Variants in SLC8B1 observed in about 807,000 individuals in gnomAD.
SLC8B1 encodes the protein solute carrier family 8 member B1.
A neutral mutation model predicts 63.4 loss-of-function variants in SLC8B1; 52 were observed. The ratio of observed to expected loss-of-function variants is 0.82; its 90% CI spans 0.66 to 1.03. The LOEUF (loss-of-function observed/expected upper bound fraction) is 1.03. Ranked by LOEUF, SLC8B1 falls within the 50% of genes least tolerant of loss-of-function variation. The pLI is 0.00. For missense variants in SLC8B1, 657 were observed against 741.7 expected (o/e 0.89, Z 1.33); for synonymous variants, 336 against 323.9 (o/e 1.04, Z -0.40).
Position 113,320,168 on chromosome 12 carries a change from A to G in SLC8B1, c.694+163T>C. On this transcript the variant is annotated intron_variant, in intron 7 of 15. Coordinates refer to ENST00000680972, the MANE Select transcript of SLC8B1 (RefSeq NM_001358345.2). This position sits in a 1 kb window ranked among gnomAD's most constrained non-coding sequence, Gnocchi z 5.3. ...AGGCCTCTTTGGTTATGTGACCCAC[A>G]TGTTCCCATTTTTGCTCAAGCCAGC... 1.3e-6 allele frequency: 1 copy of G among 797,684 alleles called. No individual in the cohort carries two copies. Among genetic ancestry groups the G allele is most frequent in the East Asian group, 2.6e-5 (1 of 38,932 alleles). The allele number at this position is 797,684 out of a possible 1,614,324, so 49.4% of individuals were successfully genotyped here. A position where few individuals can be genotyped will look rare whatever the true frequency, so the allele number is the denominator to read the frequency against.
chr12:113,316,022 A>G (rs1389886172), intron 10 of SLC8B1, among the ~76,000 whole-genome samples: 1 of 152,172 alleles, frequency 6.6e-6, no homozygotes, highest in Non-Finnish European at 1.5e-5. Context: ...CAGGAGATTG[A>G]GACCATCCTG....
At position 113,310,263 on chromosome 12, in the gene SLC8B1, A is replaced by G. The variant is rs753805054; in HGVS notation, c.1228T>C (p.Ser410Pro). 30 of 1,613,952 alleles carry G rather than the reference A, an allele frequency of 1.9e-5. No individual in the cohort carries two copies. The highest frequency in any genetic ancestry group is 2.4e-5 in the Non-Finnish European group (28 of 1,179,994). ...ALASVTFFAT[S>P]DSQPPRLHWL... The stretch of plus-strand genomic sequence containing the variant: ...TGAAGCCTGGGGGGCTGGCTGTCAG[A>G]TGTGGCAAAAAAGGTCACTGAAGCC... The change falls in exon 12 of 16, where the codon TCT becomes CCT. Residue 410 changes from serine to proline, a missense_variant. Ser to Pro is a moderately conservative substitution (Grantham distance 74, BLOSUM62 -1). Coordinates refer to ENST00000680972, the MANE Select transcript of SLC8B1 (RefSeq NM_001358345.2).
Position 113,304,322 on chromosome 12 carries a change from T to C in SLC8B1, c.1556A>G (p.Lys519Arg). Residue 519 changes from lysine (K) to arginine (R), a missense_variant and splice_region_variant, in exon 15 of 16, where the codon AAG becomes AGG. Lys to Arg is a conservative substitution (Grantham distance 26). Coordinates refer to ENST00000680972, the MANE Select transcript of SLC8B1 (RefSeq NM_001358345.2). Reference sequence around the variant, plus strand: ...TGTAAACTTACAAGGAATACTCACCTTCACTTCTGTGTGGCTTCGGGAGAT... The same window carrying C: ...TGTAAACTTACAAGGAATACTCACCCTCACTTCTGTGTGGCTTCGGGAGAT... ...LQISRSHTEV[K>R]LEPDGLLVWV... 1 of 1,613,850 alleles carries C rather than the reference T, an allele frequency of 6.2e-7. No individual in the cohort carries two copies. Among genetic ancestry groups the C allele is most frequent in the African/African-American group, 1.3e-5 (1 of 75,058 alleles).
At chr12:113,307,663 C>T (rs376783718) in intron 13 of SLC8B1, 28 bp downstream of exon 13, 2 of 1,604,834 alleles carry the variant, frequency 1.2e-6, no homozygotes, top group South Asian at 1.1e-5. Context: ...CACTCACCCC[C>T]ACTCAACCCC....
At position 113,332,964 on chromosome 12, in the gene SLC8B1, C is replaced by T; in HGVS notation, c.-82-4G>A. On this transcript the variant is annotated splice_polypyrimidine_tract_variant and splice_region_variant and intron_variant, in intron 1 of 15. Coordinates refer to ENST00000680972, the MANE Select transcript of SLC8B1 (RefSeq NM_001358345.2). ...AACAGCTGGCGGCTCCGGTGGCCTG[C>T]AAGGTGGGAGTGAGAAAGGGGGACA... The T allele has an allele frequency of 6.5e-7, 1 of 1,532,172 alleles. No homozygotes were observed. Among genetic ancestry groups the T allele is most frequent in the Non-Finnish European group, 8.8e-7 (1 of 1,135,756 alleles). 94.9% of individuals were successfully genotyped at this position (1,532,172 alleles called of 1,614,324 possible). A position where few individuals can be genotyped will look rare whatever the true frequency, so the allele number is the denominator to read the frequency against.
chr12:113,324,890 G>T (rs1292538745), intron 2 of SLC8B1, among the ~76,000 whole-genome samples: 1 of 151,510 alleles, frequency 6.6e-6, no homozygotes, highest in Non-Finnish European at 1.5e-5. Context: ...TTTTGGTAAA[G>T]ATGAGGTTTC....
chr12:113,318,083 CTGTT>C (rs950712940), intron 8 of SLC8B1, among the ~76,000 whole-genome samples: 5 of 150,826 alleles, frequency 3.3e-5, no homozygotes, highest in African/African-American at 1.2e-4. Context: ...ATATTTGTGT[CTGTT>C]GTATGTGTGC....
At chr12:113,329,143 C>A (rs1408559975) in intron 2 of SLC8B1, among the ~76,000 whole-genome samples, 1 of 152,272 alleles carries the variant, frequency 6.6e-6, no homozygotes, top group Middle Eastern at 3.4e-3. Flanking sequence ...TGCTGCACAC[C>A]GTGCTGGGCA....
At position 113,316,514 on chromosome 12, in the gene SLC8B1, G is replaced by A; in HGVS notation, c.993+12C>T. 6.2e-7 allele frequency: 1 copy of A among 1,612,688 alleles called. No individual in the cohort carries two copies. Among genetic ancestry groups the A allele is most frequent in the Non-Finnish European group, 8.5e-7 (1 of 1,179,156 alleles). Reference sequence around the variant, plus strand: ...TCAGAAGGCTGTGAGCCTGGCTCCAGGACCCTCCTACCTTGAACACCTTGA... The same window carrying A: ...TCAGAAGGCTGTGAGCCTGGCTCCAAGACCCTCCTACCTTGAACACCTTGA... On this transcript the variant is annotated intron_variant, in intron 10 of 15. Coordinates refer to ENST00000680972, the MANE Select transcript of SLC8B1 (RefSeq NM_001358345.2).
chr12:113,303,396 T>G (rs1428480904), intron 15 of SLC8B1, among the ~76,000 whole-genome samples: 2 of 152,126 alleles, frequency 1.3e-5, no homozygotes, highest in African/African-American at 4.8e-5. Flanking sequence ...GAGAGCCTAT[T>G]CAACAACTCG....
intron 8 of SLC8B1, among the ~76,000 whole-genome samples, chr12:113,317,636 C>T (rs1956851200): frequency 6.6e-6 from 1 of 152,200 alleles, no homozygotes; most frequent in African/African-American, 2.4e-5. Flanking sequence ...AGGCCTGGGA[C>T]CTGTATGGAG....
chr12:113,311,094 C>T (rs1312016125), intron 11 of SLC8B1, among the ~76,000 whole-genome samples: 2 of 152,160 alleles, frequency 1.3e-5, no homozygotes, highest in Non-Finnish European at 2.9e-5. Context: ...GCGTGCAGAT[C>T]GCTTGAGCCC....
At chr12:113,318,856 GA>G (rs1956880923) in intron 8 of SLC8B1, 107 bp downstream of exon 8, 3 of 779,668 alleles carry the variant, frequency 3.8e-6, no homozygotes, top group Admixed American at 2.2e-5. Context: ...ATGAAGAGGA[GA>G]TGAGCTTGGT....
At chr12:113,329,566 G>A (rs1309581486) in intron 2 of SLC8B1, among the ~76,000 whole-genome samples, 2 of 152,040 alleles carry the variant, frequency 1.3e-5, no homozygotes, top group Admixed American at 6.6e-5. Context: ...CCTCCCCCAG[G>A]TCCCTCAGGA....
intron 15 of SLC8B1, 57 bp from the exon 16 acceptor site, chr12:113,300,031 G>A (rs995667215): frequency 2.6e-5 from 39 of 1,527,204 alleles, no homozygotes; most frequent in African/African-American, 1.8e-4. Context: ...GCCCCGCCCC[G>A]TCTGTGGCCA....
At chr12:113,302,380 C>T (rs138470868) in intron 15 of SLC8B1, 77 of 274,438 alleles carry the variant, frequency 2.8e-4, no homozygotes, top group African/African-American at 1.6e-3. Context: ...TGGCACTGCC[C>T]GGCTGATGCC....
At chr12:113,302,063 T>C (rs1956595134) in intron 15 of SLC8B1, 1 of 152,278 alleles carries the variant, frequency 6.6e-6, no homozygotes, top group African/African-American at 2.4e-5. Flanking sequence ...TGCAGGTTTT[T>C]ATATGTGTAG....
Position 113,307,856 on chromosome 12 carries a change from A to G in SLC8B1, c.1258-12T>C. On this transcript the variant is annotated splice_polypyrimidine_tract_variant and intron_variant, in intron 12 of 15. Coordinates refer to ENST00000680972, the MANE Select transcript of SLC8B1 (RefSeq NM_001358345.2). ...AGGAAAGCAAAGAGCTGCGGAGGGAATGGTTTGCTGTGGGACCAAGGCCAG... is the reference window on the plus strand; with the variant it reads ...AGGAAAGCAAAGAGCTGCGGAGGGAGTGGTTTGCTGTGGGACCAAGGCCAG... 2 of 1,609,938 alleles carry G rather than the reference A, an allele frequency of 1.2e-6. No individual in the cohort carries two copies. Among genetic ancestry groups the G allele is most frequent in the Non-Finnish European group, 1.7e-6 (2 of 1,179,606 alleles).
rs145003970 is a variant in SLC8B1, at chr12:113,311,753, G to C, written c.1136-1398C>G. The stretch of plus-strand genomic sequence containing the variant: ...GGGTCTCGATGTATCAACCAGGCTG[G>C]AGTGCACTGACACAATCACAGCTCA... On this transcript the variant is annotated intron_variant, in intron 11 of 15. Coordinates refer to ENST00000680972, the MANE Select transcript of SLC8B1 (RefSeq NM_001358345.2). Among the ~76,000 whole-genome samples the C allele has an allele frequency of 3.4e-3, 493 of 145,356 alleles. 1 individual carries two copies. The highest frequency in any genetic ancestry group is 0.011 in the African/African-American group (434 of 39,312).
Sources: allele counts gnomAD v4.1 joint callset (sites outside exome capture counted in the v4.1 genomes callset), GRCh38; gene constraint gnomAD v4.1.1; non-coding constraint Gnocchi (gnomAD v3.1); transcripts MANE v1.5; gene names NCBI Gene and HGNC (gene_info 2026-07-23, HGNC 2026-07-21).